KHDRBS2: variants seen among roughly 807,000 people sequenced by gnomAD.
The protein encoded by KHDRBS2 is KH RNA binding domain containing, signal transduction associated 2, also known as KH domain-containing, RNA-binding, signal transduction-associated protein 2.
Under a neutral mutation model 44.3 loss-of-function variants are expected in KHDRBS2, and 26 were observed. The observed-to-expected ratio is 0.59, with a 90% CI of 0.43 to 0.81. The LOEUF is 0.81. KHDRBS2 is among the 40% of genes least tolerant of loss of function. KHDRBS2 has a pLI of 0.00. For missense variants in KHDRBS2, 476 were observed against 433.1 expected (o/e 1.10, Z -0.88); for synonymous variants, 194 against 151.1 (o/e 1.28, Z -2.08).
At chr6:62,180,888 A>G (rs1316536355) in intron 1 of KHDRBS2, among the ~76,000 whole-genome samples, 1 of 151,842 alleles carries the variant, frequency 6.6e-6, no homozygotes, top group Non-Finnish European at 1.5e-5. Context: ...ATGAATCTAT[A>G]CATGTATGTT....
the KHDRBS2 span, among the ~76,000 whole-genome samples, chr6:61,544,766 T>C: frequency 6.6e-6 from 1 of 152,068 alleles, no homozygotes; most frequent in Non-Finnish European, 1.5e-5. Context: ...AATGATGAGT[T>C]TGTGTCCTTT....
chr6:61,681,143 G>T, intron 8 of KHDRBS2, 83 bp from the exon 9 acceptor site: 1 of 929,812 alleles, frequency 1.1e-6, no homozygotes, highest in Non-Finnish European at 1.7e-6. Flanking sequence ...AGTTGACCGA[G>T]AAAAAGAAAA....
chr6:61,567,122 A>G, the KHDRBS2 span, among the ~76,000 whole-genome samples: 2,382 of 152,310 alleles, frequency 0.016, 58 homozygotes, highest in African/African-American at 0.054. Context: ...AGACTGAGAG[A>G]CAAGGATGCT....
intron 7 of KHDRBS2, among the ~76,000 whole-genome samples, chr6:61,708,488 A>T (rs1769957887): frequency 1.3e-5 from 2 of 151,648 alleles, no homozygotes; most frequent in Non-Finnish European, 3.0e-5. Flanking sequence ...TTATTAGTAT[A>T]TTTCTAAAGT....
chr6:61,779,727 C>G (rs988709316), intron 6 of KHDRBS2, among the ~76,000 whole-genome samples: 1 of 152,032 alleles, frequency 6.6e-6, no homozygotes, highest in Non-Finnish European at 1.5e-5. Context: ...ATGAGTGTGA[C>G]GTTTCAGGCA....
At chr6:61,854,064 T>C (rs923199978) in intron 6 of KHDRBS2, among the ~76,000 whole-genome samples, 3 of 152,134 alleles carry the variant, frequency 2.0e-5, no homozygotes, top group Non-Finnish European at 4.4e-5. Context: ...TCTGTTTGTA[T>C]GAAAAATAAA....
the KHDRBS2 span, among the ~76,000 whole-genome samples, chr6:61,628,210 CTTTT>C: frequency 5.3e-4 from 44 of 82,310 alleles, no homozygotes; most frequent in African/African-American, 2.4e-3. Context: ...CATGTGTAGC[CTTTT>C]TTTTTTTTTT....
intron 1 of KHDRBS2, among the ~76,000 whole-genome samples, chr6:62,283,639 T>C (rs1276389079): frequency 6.6e-6 from 1 of 152,062 alleles, no homozygotes; most frequent in Non-Finnish European, 1.5e-5. Flanking sequence ...GTATGAGAAA[T>C]AAAATAATCT....
intron 7 of KHDRBS2, among the ~76,000 whole-genome samples, chr6:61,713,971 C>T (rs187382098): frequency 4.3e-4 from 66 of 151,758 alleles, no homozygotes; most frequent in Admixed American, 2.9e-3. Context: ...AACTCTTCTA[C>T]GCTTTGGTCT....
chr6:62,154,443 T>A (rs1260018812), intron 2 of KHDRBS2, among the ~76,000 whole-genome samples: 3 of 152,164 alleles, frequency 2.0e-5, no homozygotes, highest in Non-Finnish European at 2.9e-5. Flanking sequence ...CTTGAAGATA[T>A]CAAATTTTAA....
At chr6:62,080,833 C>G (rs1177976025) in intron 2 of KHDRBS2, among the ~76,000 whole-genome samples, 1 of 152,042 alleles carries the variant, frequency 6.6e-6, no homozygotes, top group Non-Finnish European at 1.5e-5. Flanking sequence ...GCTTATAACC[C>G]TGGCTCCCAC....
chr6:61,805,504 C>A (rs963643917), intron 6 of KHDRBS2, among the ~76,000 whole-genome samples: 1 of 152,162 alleles, frequency 6.6e-6, no homozygotes, highest in Non-Finnish European at 1.5e-5. Context: ...ATAGCAGCAC[C>A]CTACTCTATG....
intron 1 of KHDRBS2, among the ~76,000 whole-genome samples, chr6:62,191,825 C>A (rs1017061546): frequency 6.6e-6 from 1 of 152,022 alleles, no homozygotes; most frequent in African/African-American, 2.4e-5. Flanking sequence ...AAATGCAATA[C>A]ATTTTTAAAA....
intron 6 of KHDRBS2, among the ~76,000 whole-genome samples, chr6:61,783,865 A>T (rs1217142224): frequency 6.6e-6 from 1 of 152,106 alleles, no homozygotes; most frequent in South Asian, 2.1e-4. Flanking sequence ...GGAGAAAAAT[A>T]CAGCATTTAA....
At chr6:61,590,637 C>T in the KHDRBS2 span, among the ~76,000 whole-genome samples, 3 of 152,160 alleles carry the variant, frequency 2.0e-5, no homozygotes, top group Non-Finnish European at 4.4e-5. Flanking sequence ...TGTGGGTTTA[C>T]TTTGGGAAAT....
intron 2 of KHDRBS2, among the ~76,000 whole-genome samples, chr6:62,099,447 A>G (rs1299746926): frequency 2.0e-5 from 3 of 152,146 alleles, no homozygotes; most frequent in Admixed American, 6.5e-5. Context: ...GGTTTATCCC[A>G]TATCCTCGGT....
chr6:61,611,344 A>T, the KHDRBS2 span, among the ~76,000 whole-genome samples: 2 of 152,250 alleles, frequency 1.3e-5, no homozygotes, highest in African/African-American at 4.8e-5. Context: ...TATGAAAAGC[A>T]TCATAGTTTT....
chr6:62,098,552 T>C (rs1162622711), intron 2 of KHDRBS2, among the ~76,000 whole-genome samples: 1 of 152,174 alleles, frequency 6.6e-6, no homozygotes, highest in Non-Finnish European at 1.5e-5. Flanking sequence ...TTGCTTCTTT[T>C]CTCTTGTGGC....
intron 4 of KHDRBS2, among the ~76,000 whole-genome samples, chr6:61,950,514 T>C (rs1764528388): frequency 6.6e-6 from 1 of 152,046 alleles, no homozygotes; most frequent in Admixed American, 6.6e-5. Context: ...GATATGCTTC[T>C]GGATTCTGTG....
Sources: gnomAD v4.1 joint callset for allele counts (sites outside exome capture counted in the v4.1 genomes callset) on GRCh38, gnomAD v4.1.1 for gene constraint, MANE v1.5 for transcripts, NCBI Gene and HGNC (gene_info 2026-07-23, HGNC 2026-07-21) for gene names.